Variants in ARHGAP20 observed in about 807,000 individuals in gnomAD.
ARHGAP20 encodes the protein rho GTPase-activating protein 20.
ARHGAP20 carries 34 observed loss-of-function variants against 73.7 expected under a neutral mutation model. The ratio of observed to expected loss-of-function variants is 0.46; its 90% confidence interval spans 0.35 to 0.61. ARHGAP20 has a LOEUF of 0.61. ARHGAP20 is among the 20% of genes least tolerant of loss of function. The pLI is 0.00. For missense variants in ARHGAP20, 1,314 were observed against 1,420.9 expected (o/e 0.92, Z 1.21); for synonymous variants, 523 against 518.2 (o/e 1.01, Z -0.13).
chr11:110,635,438 T>G (rs326950), intron 2 of ARHGAP20, among the ~76,000 whole-genome samples: 77,722 of 151,890 alleles, frequency 0.51, 21,751 homozygotes, highest in African/African-American at 0.76. Flanking sequence ...CTCTCTTCAT[T>G]AGTCTACAAC....
At chr11:110,662,317 C>T (rs1296747055) in intron 2 of ARHGAP20, among the ~76,000 whole-genome samples, 1 of 151,566 alleles carries the variant, frequency 6.6e-6, no homozygotes, top group Non-Finnish European at 1.5e-5. Flanking sequence ...ATTATAAAAT[C>T]AAATAAAAAC....
At chr11:110,713,031 T>C (rs1257889052), upstream of ARHGAP20, 1 of 152,302 alleles carries the variant, frequency 6.6e-6, no homozygotes, top group African/African-American at 2.4e-5. Flanking sequence ...AGTGGGCTTC[T>C]GCAGCCGGTC....
chr11:110,648,797 A>G (rs868186562), intron 2 of ARHGAP20, among the ~76,000 whole-genome samples: 23 of 152,138 alleles, frequency 1.5e-4, no homozygotes, highest in Middle Eastern at 6.8e-3. Flanking sequence ...AAATGTTTTT[A>G]AGTCAGTAAG....
chr11:110,655,168 C>T (rs1949437949), intron 2 of ARHGAP20, among the ~76,000 whole-genome samples: 1 of 152,196 alleles, frequency 6.6e-6, no homozygotes, highest in Non-Finnish European at 1.5e-5. Context: ...CCTGGAACCA[C>T]AACTTAATGT....
intron 4 of ARHGAP20, among the ~76,000 whole-genome samples, chr11:110,620,792 C>G (rs1474564707): frequency 6.6e-6 from 1 of 152,134 alleles, no homozygotes; most frequent in Non-Finnish European, 1.5e-5. Context: ...CCATTGTCAG[C>G]TGGGCGCGGT....
At chr11:110,606,785 T>TAACAGTACCAGTCA in intron 8 of ARHGAP20, 36 bp from the exon 9 acceptor site, 1 of 1,490,464 alleles carries the variant, frequency 6.7e-7, no homozygotes, top group Non-Finnish European at 9.0e-7. Flanking sequence ...GACTTCAGGC[T>TAACAGTACCAGTCA]GACTGGTACT....
At chr11:110,685,183 T>A (rs940832202) in intron 2 of ARHGAP20, among the ~76,000 whole-genome samples, 4 of 143,006 alleles carry the variant, frequency 2.8e-5, no homozygotes. Context: ...CAAATAATTA[T>A]ATGACCATAA....
intron 1 of ARHGAP20, chr11:110,711,767 G>C: frequency 7.4e-7 from 1 of 1,356,932 alleles, no homozygotes. Context: ...GGGAGGCCCA[G>C]GGGCACGGCG....
At chr11:110,595,928 A>G (rs1947947399) in intron 9 of ARHGAP20, among the ~76,000 whole-genome samples, 1 of 152,130 alleles carries the variant, frequency 6.6e-6, no homozygotes, top group South Asian at 2.1e-4. Context: ...ACAGCATGGT[A>G]CTGGTACCAA....
At chr11:110,605,285 G>A (rs1223900674) in intron 9 of ARHGAP20, among the ~76,000 whole-genome samples, 3 of 152,270 alleles carry the variant, frequency 2.0e-5, no homozygotes, top group African/African-American at 4.8e-5. Context: ...ATGAACAAAG[G>A]CTGGCTGAAG....
chr11:110,646,972 T>G (rs1001645208), intron 2 of ARHGAP20, among the ~76,000 whole-genome samples: 1 of 152,052 alleles, frequency 6.6e-6, no homozygotes, highest in Non-Finnish European at 1.5e-5. Flanking sequence ...AAAAAAATAA[T>G]AGTAATAAGT....
chr11:110,635,646 T>G (rs1357166967), intron 2 of ARHGAP20, among the ~76,000 whole-genome samples: 1 of 152,096 alleles, frequency 6.6e-6, no homozygotes, highest in African/African-American at 2.4e-5. Context: ...ATACTATGTA[T>G]AACTTAAATA....
chr11:110,586,422 CGT>C, intron 11 of ARHGAP20, 97 bp from the exon 12 acceptor site: 1 of 645,448 alleles, frequency 1.5e-6, no homozygotes, highest in Non-Finnish European at 2.5e-6. Context: ...AGTTCCCTTA[CGT>C]ACTCTCTTCT....
chr11:110,673,415 A>C (rs1949868939), intron 2 of ARHGAP20, among the ~76,000 whole-genome samples: 2 of 152,212 alleles, frequency 1.3e-5, no homozygotes, highest in African/African-American at 4.8e-5. Flanking sequence ...AAGTCATAAA[A>C]AAATTTTAAA....
chr11:110,583,457 A>G (rs1177892173), intron 13 of ARHGAP20, 91 bp downstream of exon 13: 5 of 1,177,480 alleles, frequency 4.2e-6, no homozygotes, highest in Non-Finnish European at 5.9e-6. Context: ...TATTTAAGTT[A>G]TTTAAGAAAT....
intron 2 of ARHGAP20, among the ~76,000 whole-genome samples, chr11:110,678,794 G>C (rs575512892): frequency 1.3e-5 from 2 of 152,108 alleles, no homozygotes; most frequent in South Asian, 4.2e-4. Context: ...CTGAGTAGCT[G>C]GGACTACAAG....
Position 110,594,819 on chromosome 11 carries a change from T to G in ARHGAP20, c.965-2664A>C, listed in dbSNP as rs537217168. On this transcript the variant is annotated intron_variant, in intron 9 of 14. Transcript: ENST00000683387. Reference sequence around the variant, plus strand: ...CCAGCATCATCCTGATACCAAAGCCTGGCAGAGACACAACAAAAAAAAAAA... The same window carrying G: ...CCAGCATCATCCTGATACCAAAGCCGGGCAGAGACACAACAAAAAAAAAAA... Among the ~76,000 whole-genome samples the G allele has an allele frequency of 2.4e-4, 34 of 139,992 alleles. 1 individual carries two copies. The South Asian group carries it at 6.4e-3, about 26-fold the overall frequency. 91.8% of individuals were successfully genotyped at this position (139,992 alleles called of 152,430 possible).
At chr11:110,677,555 A>T (rs1949957133) in intron 2 of ARHGAP20, among the ~76,000 whole-genome samples, 1 of 152,100 alleles carries the variant, frequency 6.6e-6, no homozygotes, top group Non-Finnish European at 1.5e-5. Context: ...TGAGGTGGGA[A>T]GATTGCTTGA....
At chr11:110,697,459 G>C (rs752493714) in intron 1 of ARHGAP20, among the ~76,000 whole-genome samples, 2 of 151,316 alleles carry the variant, frequency 1.3e-5, no homozygotes, top group African/African-American at 2.4e-5. Flanking sequence ...TCAGTTCCTT[G>C]TAAGTTCTGG....
Sources: allele counts gnomAD v4.1 joint callset (sites outside exome capture counted in the v4.1 genomes callset), GRCh38; gene constraint gnomAD v4.1.1; transcripts MANE v1.5; gene names NCBI Gene and HGNC (gene_info 2026-07-23, HGNC 2026-07-21).